The following MALRD1 variants were observed in gnomAD, a reference collection of about 807,000 sequenced individuals.
MALRD1 encodes MAM and LDL-receptor class A domain-containing protein 1.
Under a neutral mutation model 242.1 loss-of-function variants are expected in MALRD1, and 247 were observed. The observed-to-expected ratio is 1.02, with a 90% CI of 0.92 to 1.13. The LOEUF (loss-of-function observed/expected upper bound fraction) is 1.13. MALRD1 is among the 50% of genes most tolerant of loss of function. The probability of loss-of-function intolerance (pLI) is 0.00; values close to 1 mark genes in which losing one functional copy is unlikely to be tolerated. For missense variants in MALRD1, 2,989 were observed against 2,533.1 expected (o/e 1.18, Z -3.86); for synonymous variants, 995 against 866.6 (o/e 1.15, Z -2.60).
rs1834621703 is a variant in MALRD1 at position 19,719,244 on chromosome 10, A to ACATACATATATATATATATG, written c.6315-11462_6315-11461insCATACATATATATATATATG. Among the ~76,000 whole-genome samples, 95 of 96,930 alleles carry ACATACATATATATATATATG rather than the reference A, an allele frequency of 9.8e-4. 5 individuals carry two copies. The highest frequency in any genetic ancestry group is 4.0e-3 in the African/African-American group (91 of 22,540). The allele number at this position is 96,930 out of a possible 152,430, so 63.6% of individuals were successfully genotyped here. On this transcript the variant is annotated intron_variant, in intron 38 of 39. Transcript: ENST00000454679. ...CATACATATATATATATATATATAT[A>ACATACATATATATATATATG]TATATATATATATATGCTATCAAAT...
chr10:19,359,835 G>A (rs569601092), intron 26 of MALRD1, among the ~76,000 whole-genome samples: 1 of 152,002 alleles, frequency 6.6e-6, no homozygotes, highest in East Asian at 1.9e-4. Flanking sequence ...ATATAAACAT[G>A]TAATGTTAGT....
intron 10 of MALRD1, among the ~76,000 whole-genome samples, chr10:19,141,200 A>T (rs1029945583): frequency 6.6e-6 from 1 of 152,232 alleles, no homozygotes; most frequent in Non-Finnish European, 1.5e-5. Context: ...TGAACAGTTT[A>T]TACATGAAAT....
At chr10:19,371,092 T>TAAAAAAAAAA (rs759092754) in intron 26 of MALRD1, among the ~76,000 whole-genome samples, 1 of 123,772 alleles carries the variant, frequency 8.1e-6, no homozygotes, top group Non-Finnish European at 1.6e-5. Flanking sequence ...TCTACGAAAT[T>TAAAAAAAAAA]AAAAAAAAAA....
At chr10:19,314,033 G>C (rs1842537923) in intron 21 of MALRD1, among the ~76,000 whole-genome samples, 1 of 151,542 alleles carries the variant, frequency 6.6e-6, no homozygotes, top group South Asian at 2.1e-4. Context: ...TCATAAAGGA[G>C]AATTTCATAT....
chr10:19,140,710 G>A (rs559228077), intron 10 of MALRD1, among the ~76,000 whole-genome samples: 6 of 152,240 alleles, frequency 3.9e-5, no homozygotes, highest in African/African-American at 1.4e-4. Context: ...AATACAGCAC[G>A]ATCTCACTTA....
intron 28 of MALRD1, among the ~76,000 whole-genome samples, chr10:19,390,326 A>C (rs997254710): frequency 6.6e-6 from 1 of 152,236 alleles, no homozygotes; most frequent in Admixed American, 6.5e-5. Context: ...GGTTCTAAGC[A>C]CACTGTGCAA....
At chr10:19,731,510 G>GTGTGT (rs1278965962) in intron 39 of MALRD1, among the ~76,000 whole-genome samples, 1 of 152,004 alleles carries the variant, frequency 6.6e-6, no homozygotes, top group Non-Finnish European at 1.5e-5. Flanking sequence ...GTGTGTGTGT[G>GTGTGT]TGTGTGTGTG....
At position 19,607,883 on chromosome 10, in the gene MALRD1, T is replaced by A; in HGVS notation, c.6051T>A (p.Leu2017=). 6.5e-7 allele frequency: 1 copy of A among 1,549,766 alleles called. No homozygotes were observed. Among genetic ancestry groups the A allele is most frequent in the Non-Finnish European group, 8.7e-7 (1 of 1,146,460 alleles). The stretch of plus-strand genomic sequence containing the variant: ...TTGCCGACTGCATGGATTTCCAGCT[T>A]GATGAGTCCAGCTGCTCCGGTACCC... The part of the protein sequence containing the change: ...DGFADCMDFQ[L]DESSCSECPL... The change falls in exon 35 of 40, where the codon CTT becomes CTA. Residue 2017 remains leucine, a synonymous_variant. Coordinates refer to ENST00000454679, the MANE Select transcript of MALRD1 (RefSeq NM_001142308.3).
intron 20 of MALRD1, among the ~76,000 whole-genome samples, chr10:19,281,141 C>A (rs1840785900): frequency 6.6e-6 from 1 of 152,122 alleles, no homozygotes; most frequent in Non-Finnish European, 1.5e-5. Context: ...ACTATCTAAT[C>A]TAGACTAAAA....
intron 21 of MALRD1, among the ~76,000 whole-genome samples, chr10:19,290,892 C>T (rs1382724799): frequency 6.6e-6 from 1 of 152,046 alleles, no homozygotes; most frequent in Non-Finnish European, 1.5e-5. Context: ...TATATGATCT[C>T]AGAGTCCTGT....
chr10:19,249,807 G>T (rs925314536), intron 18 of MALRD1, among the ~76,000 whole-genome samples: 3 of 151,946 alleles, frequency 2.0e-5, no homozygotes, highest in African/African-American at 7.2e-5. Context: ...GGGTATGTGG[G>T]ACATTGAGCT....
At chr10:19,565,948 C>T (rs1015025894) in intron 32 of MALRD1, among the ~76,000 whole-genome samples, 4 of 152,034 alleles carry the variant, frequency 2.6e-5, no homozygotes, top group East Asian at 1.9e-4. Context: ...TTTCCATTAA[C>T]ATCTCGATTT....
At chr10:19,087,763 C>A (rs1263340539) in intron 2 of MALRD1, 77 bp from the exon 3 acceptor site, 2 of 583,336 alleles carry the variant, frequency 3.4e-6, no homozygotes. Flanking sequence ...CTATAGTCAT[C>A]CCATTTTGCT....
At chr10:19,326,600 A>G (rs1843144792) in intron 22 of MALRD1, among the ~76,000 whole-genome samples, 1 of 152,054 alleles carries the variant, frequency 6.6e-6, no homozygotes, top group Non-Finnish European at 1.5e-5. Flanking sequence ...TGACCTTGAT[A>G]ATGTTCCAAA....
chr10:19,206,691 C>T (rs1327840225), intron 17 of MALRD1, among the ~76,000 whole-genome samples: 2 of 152,182 alleles, frequency 1.3e-5, no homozygotes, highest in African/African-American at 4.8e-5. Context: ...TACAGATCCA[C>T]AAATCCATGT....
chr10:19,264,671 T>G (rs1839902270), intron 19 of MALRD1, among the ~76,000 whole-genome samples: 1 of 152,114 alleles, frequency 6.6e-6, no homozygotes, highest in African/African-American at 2.4e-5. Context: ...GCCAGGATGG[T>G]CTCGATCTCC....
intron 31 of MALRD1, among the ~76,000 whole-genome samples, chr10:19,509,485 C>T (rs1833297837): frequency 6.6e-6 from 1 of 152,082 alleles, no homozygotes; most frequent in Admixed American, 6.5e-5. Context: ...GGGTAATGGC[C>T]TCTTGGTTAT....
intron 32 of MALRD1, among the ~76,000 whole-genome samples, chr10:19,545,857 C>T (rs770497371): frequency 7.9e-5 from 12 of 152,102 alleles, no homozygotes; most frequent in Non-Finnish European, 1.6e-4. Context: ...TTTCAGTTTT[C>T]CTATTCACCT....
Position 19,148,786 on chromosome 10 carries a change from AAAATAT to A in MALRD1, c.1558+2444_1558+2449del, listed in dbSNP as rs1411325749. 1.9e-3 allele frequency among the ~76,000 whole-genome samples: 131 copies of A among 68,190 alleles called. 1 individual carries two copies. The highest frequency in any genetic ancestry group is 3.5e-3 in the South Asian group (6 of 1,730). The allele number at this position is 68,190 out of a possible 152,430, so 44.7% of individuals were successfully genotyped here. ...GAAAGGGCCAATTAAAAAAAAAAAA[AAAATAT>A]ATATATATATATATATATCTGGATC... is the stretch of plus-strand genomic sequence containing the variant. On this transcript the variant is annotated intron_variant, in intron 11 of 39. Coordinates refer to ENST00000454679, the MANE Select transcript of MALRD1 (RefSeq NM_001142308.3).
Sources: allele counts gnomAD v4.1 joint callset (sites outside exome capture counted in the v4.1 genomes callset), GRCh38; gene constraint gnomAD v4.1.1; transcripts MANE v1.5; gene names NCBI Gene and HGNC (gene_info 2026-07-23, HGNC 2026-07-21).